Variants in SEL1L3 observed in about 807,000 individuals in gnomAD.
SEL1L3 encodes the protein SEL1L family member 3, also known as protein sel-1 homolog 3.
SEL1L3 carries 76 observed loss-of-function variants against 142.8 expected under a neutral mutation model. That is an observed-to-expected ratio of 0.53 (90% CI 0.44 to 0.64). The LOEUF is 0.64. Ranked by LOEUF, SEL1L3 falls within the 30% of genes least tolerant of loss-of-function variation. The pLI, the probability that SEL1L3 is intolerant of heterozygous loss-of-function variation, is 0.00. For missense variants in SEL1L3, 1,262 were observed against 1,381.7 expected (o/e 0.91, Z 1.37); for synonymous variants, 504 against 519.6 (o/e 0.97, Z 0.41).
chr4:25,753,513 G>A (rs189257533), intron 23 of SEL1L3, among the ~76,000 whole-genome samples: 1 of 152,292 alleles, frequency 6.6e-6, no homozygotes, highest in East Asian at 1.9e-4. Context: ...CCCCAGCTGT[G>A]GGGCAGGTCT....
chr4:25,773,794 T>C (rs1560289134), intron 17 of SEL1L3, among the ~76,000 whole-genome samples: 1 of 152,188 alleles, frequency 6.6e-6, no homozygotes, highest in Non-Finnish European at 1.5e-5. Flanking sequence ...CCACATGGCA[T>C]AGTATTTTGT....
chr4:25,768,427 A>G (rs946482128), intron 17 of SEL1L3, among the ~76,000 whole-genome samples: 6 of 152,210 alleles, frequency 3.9e-5, no homozygotes, highest in African/African-American at 1.2e-4. Context: ...TACAAGATTC[A>G]TATTTGGAAT....
chr4:25,721,029 T>C, the SEL1L3 span: 2 of 152,270 alleles, frequency 1.3e-5, no homozygotes, highest in South Asian at 4.2e-4. Context: ...ACTTCTGAGA[T>C]AATGAATAGA....
At chr4:25,725,326 T>C in the SEL1L3 span, among the ~76,000 whole-genome samples, 3 of 151,776 alleles carry the variant, frequency 2.0e-5, no homozygotes, top group South Asian at 2.1e-4. Context: ...GGCTTTTTTT[T>C]TTTTTTTGAG....
rs773092839 is a variant in SEL1L3 at position 25,779,122 on chromosome 4, T to C, written c.2539A>G (p.Thr847Ala). The C allele has an allele frequency of 1.2e-6, 2 of 1,613,582 alleles. No individual in the cohort carries two copies. The highest frequency in any genetic ancestry group is 1.7e-6 in the Non-Finnish European group (2 of 1,179,582). The change falls in exon 16 of 24, where the codon ACA becomes GCA. Residue 847 changes from threonine to alanine, a missense_variant. Coordinates refer to ENST00000399878, the MANE Select transcript of SEL1L3 (RefSeq NM_015187.5). ...CTAGGGAATGTCTCCAGGTTGCCTGTGATATAGTAGAGAGAACACCACAAG... is the reference window on the plus strand; with the variant it reads ...CTAGGGAATGTCTCCAGGTTGCCTGCGATATAGTAGAGAGAACACCACAAG... ...GTLWCSLYYI[T>A]GNLETFPRDP...
chr4:25,851,971 CTTTTGACCAG>C (rs1716935506), intron 1 of SEL1L3, among the ~76,000 whole-genome samples: 1 of 151,646 alleles, frequency 6.6e-6, no homozygotes, highest in Non-Finnish European at 1.5e-5. Context: ...CTGGTGATTC[CTTTTGACCAG>C]TCATGGGCAA....
At chr4:25,780,180 A>T (rs1371062070) in intron 15 of SEL1L3, among the ~76,000 whole-genome samples, 1 of 151,382 alleles carries the variant, frequency 6.6e-6, no homozygotes, top group Admixed American at 6.6e-5. Flanking sequence ...CCCACATTCA[A>T]CCCCTCAGCA....
In SEL1L3 at chr4:25,847,824, G is replaced by T; in HGVS notation, c.203C>A (p.Thr68Lys). 6.2e-7 allele frequency: 1 copy of T among 1,602,566 alleles called. No individual in the cohort carries two copies. Among genetic ancestry groups the T allele is most frequent in the Non-Finnish European group, 8.5e-7 (1 of 1,175,028 alleles). Residue 68 changes from threonine (T) to lysine (K), a missense_variant, in exon 2 of 24, where the codon ACA becomes AAA. This residue lies in a region of SEL1L3 where 689 missense variants were observed against 692.8 expected (regional missense o/e 0.99). Transcript: ENST00000399878. ...PSLGRQTSLTTSVIPKAEQSV... is the reference protein window; with the variant it reads ...PSLGRQTSLTKSVIPKAEQSV... ...CTGCTCAGCTTTGGGTATCACTGAT[G>T]TCGTCAGGGAAGTCTGCCTACCCAA...
chr4:25,721,433 C>T, the SEL1L3 span, among the ~76,000 whole-genome samples: 3 of 151,820 alleles, frequency 2.0e-5, no homozygotes, highest in East Asian at 1.9e-4. Flanking sequence ...ATACCCACAG[C>T]GGCACTTACT....
intron 1 of SEL1L3, among the ~76,000 whole-genome samples, chr4:25,857,337 C>T (rs1316557396): frequency 1.3e-5 from 2 of 152,204 alleles, no homozygotes; most frequent in African/African-American, 4.8e-5. Flanking sequence ...ATCAATATTC[C>T]TGGTTGTGTA....
intron 3 of SEL1L3, 41 bp from the exon 4 acceptor site, chr4:25,833,610 C>G: frequency 6.5e-7 from 1 of 1,541,584 alleles, no homozygotes; most frequent in East Asian, 2.3e-5. Context: ...AGATTGATAT[C>G]ATCCAAGAAC....
intron 17 of SEL1L3, among the ~76,000 whole-genome samples, chr4:25,774,916 T>A (rs1358478663): frequency 6.6e-6 from 1 of 151,258 alleles, no homozygotes; most frequent in South Asian, 2.1e-4. Flanking sequence ...AGAAAAACAG[T>A]GTCAGACATC....
intron 14 of SEL1L3, among the ~76,000 whole-genome samples, chr4:25,783,468 T>G (rs534490107): frequency 1.1e-4 from 16 of 152,358 alleles, no homozygotes; most frequent in African/African-American, 3.8e-4. Context: ...TTGGCAGCCT[T>G]GGGAGGCACA....
chr4:25,725,217 C>T, the SEL1L3 span, among the ~76,000 whole-genome samples: 17 of 152,022 alleles, frequency 1.1e-4, no homozygotes, highest in Non-Finnish European at 1.8e-4. Flanking sequence ...CAGAGCGAGT[C>T]CACTGATTAA....
chr4:25,852,869 AG>A (rs1716997967), intron 1 of SEL1L3, among the ~76,000 whole-genome samples: 1 of 152,196 alleles, frequency 6.6e-6, no homozygotes, highest in Non-Finnish European at 1.5e-5. Flanking sequence ...TGCTGATGCT[AG>A]GATCTCCAGT....
chr4:25,841,018 CT>C lies in SEL1L3; in HGVS notation c.734-5696del, dbSNP rs574751879. ...AAAGCTCAATGTCCTTCTTTCATTC[CT>C]TTTTTTTTTTTCCTTCTTCTTCTCT... On this transcript the variant is annotated intron_variant, in intron 2 of 23. Coordinates refer to ENST00000399878, the MANE Select transcript of SEL1L3 (RefSeq NM_015187.5). 2.9e-3 allele frequency among the ~76,000 whole-genome samples: 418 copies of C among 146,098 alleles called. 1 individual carries two copies. Among genetic ancestry groups the C allele is most frequent in the East Asian group, 6.1e-3 (31 of 5,052 alleles).
intron 11 of SEL1L3, among the ~76,000 whole-genome samples, chr4:25,799,061 C>A (rs1712994155): frequency 6.6e-6 from 1 of 151,908 alleles, no homozygotes; most frequent in Non-Finnish European, 1.5e-5. Flanking sequence ...GTCTGTGTTG[C>A]CTGTGTCCTA....
At chr4:25,787,235 G>A (rs1473990174) in intron 13 of SEL1L3, among the ~76,000 whole-genome samples, 3 of 152,182 alleles carry the variant, frequency 2.0e-5, no homozygotes, top group Non-Finnish European at 4.4e-5. Flanking sequence ...AATACACCAA[G>A]GTACCAACCT....
intron 23 of SEL1L3, among the ~76,000 whole-genome samples, chr4:25,751,549 T>A (rs938574529): frequency 1.3e-5 from 2 of 149,856 alleles, no homozygotes; most frequent in African/African-American, 4.9e-5. Context: ...CCGTGGGAGG[T>A]ATAAGCAGCA....
Sources: gnomAD v4.1 joint callset for allele counts (sites outside exome capture counted in the v4.1 genomes callset) on GRCh38, gnomAD v4.1.1 for gene constraint, gnomAD v4.1.1 regional missense constraint, MANE v1.5 for transcripts, NCBI Gene and HGNC (gene_info 2026-07-23, HGNC 2026-07-21) for gene names.